The following HS3ST5 variants were observed in gnomAD, a reference collection of about 807,000 sequenced individuals.
HS3ST5 encodes the protein heparan sulfate-glucosamine 3-sulfotransferase 5.
A neutral mutation model predicts 25.4 loss-of-function variants in HS3ST5; 10 were observed. The ratio of observed to expected loss-of-function variants is 0.39; its 90% CI spans 0.24 to 0.67. HS3ST5 has a LOEUF of 0.67. HS3ST5 is among the 30% of genes least tolerant of loss of function. The probability of loss-of-function intolerance (pLI) is 0.44; values close to 1 mark genes in which losing one functional copy is unlikely to be tolerated. For synonymous variants in HS3ST5, 170 were observed against 162.4 expected, an observed-to-expected ratio of 1.05 and a Z score of -0.36; for missense variants, 324 against 420.7, an observed-to-expected ratio of 0.77 and a Z score of 2.01.
intron 1 of HS3ST5, among the ~76,000 whole-genome samples, chr6:114,326,631 C>T (rs1776187324): frequency 1.3e-5 from 2 of 152,124 alleles, no homozygotes; most frequent in African/African-American, 4.8e-5. Context: ...CAAACATACT[C>T]AATTTCAGTG....
chr6:114,178,037 T>C, intron 2 of HS3ST5, among the ~76,000 whole-genome samples: 1 of 152,224 alleles, frequency 6.6e-6, no homozygotes, highest in Admixed American at 6.5e-5. Context: ...AAATTGCTTA[T>C]TCATTGATAT....
chr6:114,199,977 G>A (rs759541342), intron 2 of HS3ST5, among the ~76,000 whole-genome samples: 5 of 152,136 alleles, frequency 3.3e-5, no homozygotes, highest in Non-Finnish European at 7.3e-5. Context: ...ACTTTGGGAG[G>A]CTAAGGGGGT....
At chr6:114,218,076 C>A (rs1325619487) in intron 2 of HS3ST5, among the ~76,000 whole-genome samples, 2 of 152,166 alleles carry the variant, frequency 1.3e-5, no homozygotes, top group Non-Finnish European at 2.9e-5. Context: ...CGGCTCACCG[C>A]AACCTCCGCC....
intron 4 of HS3ST5, among the ~76,000 whole-genome samples, chr6:114,061,806 G>C (rs1773132732): frequency 6.6e-6 from 1 of 152,150 alleles, no homozygotes; most frequent in Non-Finnish European, 1.5e-5. Flanking sequence ...AAAATTAGCT[G>C]GGTGTGTGGC....
chr6:114,210,960 A>G (rs73767093), intron 2 of HS3ST5, among the ~76,000 whole-genome samples: 106 of 152,298 alleles, frequency 7.0e-4, no homozygotes, highest in African/African-American at 2.5e-3. Context: ...CCATTCCTTC[A>G]GGTTACTCCT....
In HS3ST5 at chr6:114,258,859, T is replaced by A. The variant is rs985717411; in HGVS notation, c.-338-30081A>T. On this transcript the variant is annotated intron_variant, in intron 1 of 4. Coordinates refer to ENST00000312719, the MANE Select transcript of HS3ST5 (RefSeq NM_153612.4). ...TTCCAACTGAATTGCTAGCTCCAGG[T>A]TATTTGAAATTATAGAGACAATAAA... 3.9e-5 allele frequency among the ~76,000 whole-genome samples: 6 copies of A among 152,228 alleles called. No individual in the cohort carries two copies. The East Asian group carries it at 1.2e-3, about 29-fold the overall frequency.
chr6:114,058,299 A>G, intron 4 of HS3ST5, 109 bp from the exon 5 acceptor site: 1 of 766,430 alleles, frequency 1.3e-6, no homozygotes, highest in Non-Finnish European at 2.1e-6. Context: ...ACTGGTTCCC[A>G]GCCTGCTGCA....
chr6:114,080,621 G>A (rs186726777), intron 3 of HS3ST5, among the ~76,000 whole-genome samples: 6 of 152,304 alleles, frequency 3.9e-5, no homozygotes, highest in Admixed American at 3.9e-4. Context: ...ATGAAACCAT[G>A]TTCTTTGCAG....
chr6:114,180,718 C>G (rs1440977898), intron 2 of HS3ST5, among the ~76,000 whole-genome samples: 4 of 152,170 alleles, frequency 2.6e-5, no homozygotes, highest in African/African-American at 9.7e-5. Flanking sequence ...ATCTTTATTC[C>G]AATACAGCTG....
chr6:114,272,872 A>G (rs1181243850), intron 1 of HS3ST5, among the ~76,000 whole-genome samples: 2 of 152,144 alleles, frequency 1.3e-5, no homozygotes, highest in African/African-American at 4.8e-5. Context: ...CAAAGTGGAC[A>G]GTGTCTGACT....
chr6:114,258,091 A>T (rs1274315681), intron 1 of HS3ST5, among the ~76,000 whole-genome samples: 2 of 152,266 alleles, frequency 1.3e-5, no homozygotes, highest in East Asian at 3.9e-4. Flanking sequence ...AAGAACCTGA[A>T]ATCCAAATAT....
At chr6:114,194,896 T>C (rs977531931) in intron 2 of HS3ST5, among the ~76,000 whole-genome samples, 32 of 152,346 alleles carry the variant, frequency 2.1e-4, no homozygotes, top group African/African-American at 7.5e-4. Flanking sequence ...GTTTCTGGCA[T>C]CTGGCCAGAG....
intron 2 of HS3ST5, among the ~76,000 whole-genome samples, chr6:114,204,399 G>T (rs1781174429): frequency 6.6e-6 from 1 of 152,054 alleles, no homozygotes; most frequent in African/African-American, 2.4e-5. Context: ...TTGAATGTAG[G>T]ACTGGTGATT....
In HS3ST5 at chr6:114,084,819, TTTTC is replaced by T. The variant is rs923795053; in HGVS notation, c.-32-21946_-32-21943del. 1.7e-4 allele frequency: 114 copies of T among 656,134 alleles called. No individual in the cohort carries two copies. In the East Asian group the frequency reaches 2.0e-3, roughly 11 times the overall value. 40.6% of individuals were successfully genotyped at this position (656,134 alleles called of 1,614,324 possible). A position where few individuals can be genotyped will look rare whatever the true frequency, so the allele number is the denominator to read the frequency against. ...TTTTCAAACTCTTAGAAAATTTCTT[TTTTC>T]TTTTCTTTTCTTTTTTTTTTTTTTT... On this transcript the variant is annotated intron_variant, in intron 3 of 4. Transcript: ENST00000312719.
chr6:114,185,646 T>C (rs1780182960), intron 2 of HS3ST5, among the ~76,000 whole-genome samples: 1 of 152,200 alleles, frequency 6.6e-6, no homozygotes, highest in South Asian at 2.1e-4. Flanking sequence ...GCTCACTTCA[T>C]GTCTCTGTGT....
At chr6:114,117,163 T>C (rs909714185) in intron 3 of HS3ST5, among the ~76,000 whole-genome samples, 1 of 152,150 alleles carries the variant, frequency 6.6e-6, no homozygotes, top group Non-Finnish European at 1.5e-5. Context: ...AATACTAAAA[T>C]TAATGTTGAA....
At chr6:114,103,857 AT>A (rs71553394) in intron 3 of HS3ST5, among the ~76,000 whole-genome samples, 129 of 107,118 alleles carry the variant, frequency 1.2e-3, no homozygotes, top group South Asian at 0.011. Context: ...CACCTGGCTA[AT>A]TTTTTTTTTT....
chr6:114,304,546 A>C (rs1775212338), intron 1 of HS3ST5, among the ~76,000 whole-genome samples: 1 of 152,128 alleles, frequency 6.6e-6, no homozygotes, highest in Non-Finnish European at 1.5e-5. Flanking sequence ...AGCTGCTTCC[A>C]AACCACCCTG....
intron 3 of HS3ST5, among the ~76,000 whole-genome samples, chr6:114,093,318 C>T (rs2114799442): frequency 6.6e-6 from 1 of 150,658 alleles, no homozygotes; most frequent in South Asian, 2.1e-4. Flanking sequence ...CCTATAAGGC[C>T]TGAGAATGAC....
Sources: allele counts gnomAD v4.1 joint callset (sites outside exome capture counted in the v4.1 genomes callset), GRCh38; gene constraint gnomAD v4.1.1; transcripts MANE v1.5; gene names NCBI Gene and HGNC (gene_info 2026-07-23, HGNC 2026-07-21).